Variants in SWT1 observed in about 807,000 individuals in gnomAD.
SWT1 encodes transcriptional protein SWT1.
Under a neutral mutation model 107.3 loss-of-function variants are expected in SWT1, and 33 were observed. The observed-to-expected ratio is 0.31, with a 90% CI of 0.23 to 0.41. The LOEUF (loss-of-function observed/expected upper bound fraction) is 0.41. SWT1 is among the 10% of genes least tolerant of loss of function. SWT1 has a pLI of 1.00. For synonymous variants in SWT1, 345 were observed against 348.3 expected (o/e 0.99, Z 0.11); for missense variants, 898 against 1,028.9 (o/e 0.87, Z 1.74).
intron 10 of SWT1, among the ~76,000 whole-genome samples, chr1:185,201,974 T>C (rs1657919720): frequency 6.6e-6 from 1 of 152,142 alleles, no homozygotes; most frequent in Admixed American, 6.5e-5. Flanking sequence ...ATTTTATAAT[T>C]CTCATTCGTA....
intron 10 of SWT1, among the ~76,000 whole-genome samples, chr1:185,193,410 G>T (rs1657115770): frequency 6.6e-6 from 1 of 150,998 alleles, no homozygotes; most frequent in South Asian, 2.1e-4. Context: ...GTTAGGTCAG[G>T]TTGGTTGATA....
Position 185,174,818 on chromosome 1 carries a change from C to G in SWT1, c.671C>G (p.Pro224Arg), listed in dbSNP as rs775398982. 17 of 1,613,494 alleles carry G rather than the reference C, an allele frequency of 1.1e-5. No individual in the cohort carries two copies. The highest frequency in any genetic ancestry group is 2.2e-5 in the East Asian group (1 of 44,864). Residue 224 changes from proline (P) to arginine (R), a missense_variant, in exon 5 of 19, where the codon CCC becomes CGC. Transcript: ENST00000367500. ...DYNSNKIIKEPLGSRRQKISF... is the reference protein window; with the variant it reads ...DYNSNKIIKERLGSRRQKISF... ...AACTCCAACAAGATAATTAAGGAAC[C>G]CTTGGGATCTAGAAGACAGAAGATC...
At chr1:185,196,121 T>G (rs188972166) in intron 10 of SWT1, among the ~76,000 whole-genome samples, 105 of 152,342 alleles carry the variant, frequency 6.9e-4, no homozygotes, top group African/African-American at 2.5e-3. Flanking sequence ...TTTTTATGGT[T>G]TTAGGTCTTA....
intron 9 of SWT1, among the ~76,000 whole-genome samples, chr1:185,185,219 C>T (rs1446050723): frequency 1.3e-5 from 2 of 152,002 alleles, no homozygotes; most frequent in Non-Finnish European, 1.5e-5. Context: ...TTAAAAATAC[C>T]ATTGCTGAGT....
chr1:185,242,716 A>G (rs1571597211), intron 16 of SWT1, among the ~76,000 whole-genome samples: 1 of 152,182 alleles, frequency 6.6e-6, no homozygotes, highest in African/African-American at 2.4e-5. Context: ...TAACTTGTTT[A>G]TGGAGTTTTT....
chr1:185,177,444 T>C (rs1655662756), intron 5 of SWT1, among the ~76,000 whole-genome samples: 1 of 152,230 alleles, frequency 6.6e-6, no homozygotes, highest in African/African-American at 2.4e-5. Context: ...ATGACCACTT[T>C]CCAGTTATTG....
At chr1:185,227,641 A>G (rs574797395) in intron 15 of SWT1, 62 of 587,264 alleles carry the variant, frequency 1.1e-4, no homozygotes, top group Non-Finnish European at 5.1e-5. Context: ...GTCGTCTTCT[A>G]CATTTCACTT....
chr1:185,260,175 G>A (rs138860240), intron 16 of SWT1, among the ~76,000 whole-genome samples: 99 of 152,254 alleles, frequency 6.5e-4, no homozygotes, highest in African/African-American at 2.3e-3. Flanking sequence ...TTAAGCCCAA[G>A]GGGCAACTGT....
intron 16 of SWT1, 88 bp from the exon 17 acceptor site, chr1:185,271,235 G>A (rs913906007): frequency 9.9e-6 from 7 of 707,436 alleles, no homozygotes; most frequent in African/African-American, 9.0e-5. Flanking sequence ...ACCTCTTGTG[G>A]TATGGGTATG....
intron 15 of SWT1, among the ~76,000 whole-genome samples, chr1:185,224,323 C>T (rs1659893316): frequency 6.6e-6 from 1 of 152,044 alleles, no homozygotes; most frequent in South Asian, 2.1e-4. Flanking sequence ...CAGTACCATG[C>T]TGTTTTGGTT....
intron 3 of SWT1, among the ~76,000 whole-genome samples, chr1:185,167,574 G>C (rs544807125): frequency 6.6e-6 from 1 of 152,266 alleles, no homozygotes; most frequent in South Asian, 2.1e-4. Flanking sequence ...TTGAAACACC[G>C]ATTTCATCCC....
chr1:185,205,202 T>C (rs2102463643), intron 12 of SWT1, among the ~76,000 whole-genome samples: 1 of 152,326 alleles, frequency 6.6e-6, no homozygotes, highest in African/African-American at 2.4e-5. Context: ...TCTCTAGCAA[T>C]ATGTATTCAG....
chr1:185,256,882 C>G (rs939377313), intron 16 of SWT1, among the ~76,000 whole-genome samples: 4 of 152,178 alleles, frequency 2.6e-5, no homozygotes, highest in South Asian at 2.1e-4. Context: ...TCCAGTTTTT[C>G]TGTTCTGTTT....
intron 13 of SWT1, among the ~76,000 whole-genome samples, chr1:185,207,718 A>G (rs942859077): frequency 2.0e-5 from 3 of 152,066 alleles, no homozygotes; most frequent in Admixed American, 6.6e-5. Context: ...CCTGGGCAAC[A>G]TGGTAAAACT....
At chr1:185,254,678 T>G (rs1259181883) in intron 16 of SWT1, among the ~76,000 whole-genome samples, 1 of 152,086 alleles carries the variant, frequency 6.6e-6, no homozygotes, top group Non-Finnish European at 1.5e-5. Flanking sequence ...CTTTTTTTCT[T>G]TATTAGTCTT....
At chr1:185,275,539 C>CAT (rs1437338914) in intron 17 of SWT1, among the ~76,000 whole-genome samples, 6 of 150,022 alleles carry the variant, frequency 4.0e-5, no homozygotes, top group East Asian at 1.9e-4. Context: ...TATGTGTGTA[C>CAT]ATATATATAT....
rs770298828 is a variant in SWT1, at chr1:185,168,423, C to G, written c.224+25C>G. 2.2e-6 allele frequency: 3 copies of G among 1,350,102 alleles called. No individual in the cohort carries two copies. In the African/African-American group the frequency reaches 4.7e-5, roughly 21 times the overall value. The allele number at this position is 1,350,102 out of a possible 1,614,324, so 83.6% of individuals were successfully genotyped here. ...GGTAAATTTCTCCTTTTTCTTTTTA[C>G]TGTTTTGGTTTAGAATTATGAGACT... On this transcript the variant is annotated intron_variant, in intron 4 of 18. Coordinates refer to ENST00000367500, the MANE Select transcript of SWT1 (RefSeq NM_017673.7).
chr1:185,190,512 G>A lies in SWT1; in HGVS notation c.1430-37G>A, dbSNP rs758931824. ...TATTTCTGTGTCACCCACATTTCTAGTGTACTTACTGACTGTTGCCTTTAC... is the reference window on the plus strand; with the variant it reads ...TATTTCTGTGTCACCCACATTTCTAATGTACTTACTGACTGTTGCCTTTAC... On this transcript the variant is annotated intron_variant, in intron 9 of 18. Transcript: ENST00000367500. The A allele has an allele frequency of 4.4e-6, 5 of 1,145,974 alleles. No individual in the cohort carries two copies. The Admixed American group carries it at 7.2e-5, about 16-fold the overall frequency. The allele number at this position is 1,145,974 out of a possible 1,614,324, so 71.0% of individuals were successfully genotyped here.
chr1:185,261,735 G>T, intron 16 of SWT1, among the ~76,000 whole-genome samples: 1 of 150,976 alleles, frequency 6.6e-6, no homozygotes, highest in African/African-American at 2.4e-5. Context: ...GTTGTGATTT[G>T]GTTTGTCCTG....
Sources: allele counts gnomAD v4.1 joint callset (sites outside exome capture counted in the v4.1 genomes callset), GRCh38; gene constraint gnomAD v4.1.1; transcripts MANE v1.5; gene names NCBI Gene and HGNC (gene_info 2026-07-23, HGNC 2026-07-21).